The following SND1 variants were observed in gnomAD, a reference collection of about 807,000 sequenced individuals.
The protein encoded by SND1 is staphylococcal nuclease and tudor domain containing 1.
In SND1, 38 loss-of-function variants were observed where a neutral mutation model predicts 121.7. The ratio of observed to expected loss-of-function variants is 0.31; its 90% CI spans 0.24 to 0.41. The LOEUF is 0.41. Among genes scored for constraint, SND1 ranks in the 10% least tolerant of loss-of-function variants. The pLI, the probability that SND1 is intolerant of heterozygous loss-of-function variation, is 1.00. For missense variants in SND1, 868 were observed against 1,184.6 expected, an observed-to-expected ratio of 0.73 and a Z score of 3.92; for synonymous variants, 401 against 447.4, an observed-to-expected ratio of 0.90 and a Z score of 1.31.
At chr7:127,879,550 C>T in intron 12 of SND1, among the ~76,000 whole-genome samples, 1 of 152,124 alleles carries the variant, frequency 6.6e-6, no homozygotes, top group Non-Finnish European at 1.5e-5. Flanking sequence ...GATATCAGCA[C>T]CCTGTAGCTT....
At chr7:127,887,535 T>G (rs1584642778) in intron 12 of SND1, among the ~76,000 whole-genome samples, 1 of 152,128 alleles carries the variant, frequency 6.6e-6, no homozygotes, top group East Asian at 1.9e-4. Context: ...TATGTTCCAT[T>G]TTTTTCTCTA....
chr7:127,690,372 A>G (rs952669528), intron 2 of SND1, among the ~76,000 whole-genome samples: 1 of 152,154 alleles, frequency 6.6e-6, no homozygotes. Context: ...AAGTCTTCCT[A>G]CAGGCTGGGG....
chr7:128,083,715 C>A (rs186297966), intron 18 of SND1, among the ~76,000 whole-genome samples: 2 of 152,306 alleles, frequency 1.3e-5, no homozygotes, highest in African/African-American at 2.4e-5. Flanking sequence ...CCTTACAGCA[C>A]TGCCTTGGGC....
intron 11 of SND1, among the ~76,000 whole-genome samples, chr7:127,843,065 T>C (rs1798993129): frequency 6.6e-6 from 1 of 152,204 alleles, no homozygotes; most frequent in African/African-American, 2.4e-5. Context: ...TTTACATCTT[T>C]GGTTATCAGC....
chr7:127,907,874 G>A (rs777657214), intron 14 of SND1, among the ~76,000 whole-genome samples: 49 of 152,258 alleles, frequency 3.2e-4, no homozygotes, highest in Middle Eastern at 3.4e-3. Flanking sequence ...GTCAGAGTGC[G>A]TTAAAATGCT....
intron 12 of SND1, among the ~76,000 whole-genome samples, chr7:127,861,889 A>G (rs1399466295): frequency 6.6e-6 from 1 of 152,230 alleles, no homozygotes; most frequent in Non-Finnish European, 1.5e-5. Context: ...GTATAGGCAG[A>G]GCATGGCCGT....
At chr7:127,703,954 G>C (rs917534398) in intron 7 of SND1, among the ~76,000 whole-genome samples, 1 of 152,160 alleles carries the variant, frequency 6.6e-6, no homozygotes, top group East Asian at 1.9e-4. Flanking sequence ...ATGAGGTCTA[G>C]AAGTCAGCTA....
At position 128,052,117 on chromosome 7, in the gene SND1, T is replaced by G. The variant is rs762760355; in HGVS notation, c.1780-22385T>G. Among the ~76,000 whole-genome samples the G allele has an allele frequency of 5.9e-5, 9 of 152,160 alleles. No homozygotes were observed. The highest frequency in any genetic ancestry group is 1.2e-4 in the Non-Finnish European group (8 of 68,022). ...GACATTTGCTTTGGGGAGGAAGCAT[T>G]GGGACAGATGACCTTCAGTTCAGTT... On this transcript the variant is annotated intron_variant, in intron 16 of 23. Transcript: ENST00000354725. The surrounding 1 kb of genome is among the most constrained non-coding windows in gnomAD (Gnocchi z 4.6).
intron 12 of SND1, among the ~76,000 whole-genome samples, chr7:127,876,261 C>T (rs1799687844): frequency 6.6e-6 from 1 of 152,174 alleles, no homozygotes; most frequent in South Asian, 2.1e-4. Context: ...GGATTACTTG[C>T]CAACCTAATC....
chr7:127,834,604 G>A (rs374783301), intron 11 of SND1, among the ~76,000 whole-genome samples: 16 of 152,316 alleles, frequency 1.1e-4, no homozygotes, highest in African/African-American at 3.8e-4. Context: ...TTGTGAAATA[G>A]AGGGATGGTG....
intron 10 of SND1, among the ~76,000 whole-genome samples, chr7:127,723,927 A>G (rs1382211215): frequency 4.6e-5 from 7 of 152,206 alleles, no homozygotes; most frequent in Non-Finnish European, 8.8e-5. Flanking sequence ...CCTTTTTAAA[A>G]CTGAATATTT....
chr7:127,995,766 G>A lies in SND1; in HGVS notation c.1779+4710G>A, dbSNP rs75201260. Reference sequence around the variant, plus strand: ...TTTCACTGCTGTGTTGGAGAAACCCGAAGTCTTAAAGGGCCATAAGGTATT... The same window carrying A: ...TTTCACTGCTGTGTTGGAGAAACCCAAAGTCTTAAAGGGCCATAAGGTATT... On this transcript the variant is annotated intron_variant, in intron 16 of 23. Coordinates refer to ENST00000354725, the MANE Select transcript of SND1 (RefSeq NM_014390.4). 1.9e-3 allele frequency among the ~76,000 whole-genome samples: 285 copies of A among 152,298 alleles called. 2 individuals carry two copies. Among genetic ancestry groups the A allele is most frequent in the Middle Eastern group, 6.8e-3 (2 of 294 alleles).
chr7:128,055,492 A>G (rs529597396), intron 16 of SND1, among the ~76,000 whole-genome samples: 1 of 152,260 alleles, frequency 6.6e-6, no homozygotes, highest in South Asian at 2.1e-4. Context: ...TGCAGGTCCA[A>G]GAAGAAGAGG....
chr7:127,730,665 T>C (rs566140854), intron 10 of SND1, among the ~76,000 whole-genome samples: 1 of 152,370 alleles, frequency 6.6e-6, no homozygotes, highest in African/African-American at 2.4e-5. Flanking sequence ...TGCATTTTTT[T>C]CTCCTTCTCT....
chr7:127,686,827 CT>C, intron 2 of SND1, 65 bp downstream of exon 2: 1 of 1,525,564 alleles, frequency 6.6e-7, no homozygotes, highest in East Asian at 2.3e-5. Flanking sequence ...TCTTCTGTCG[CT>C]GATGCCATTT....
At chr7:128,022,016 C>A (rs1803359501) in intron 16 of SND1, among the ~76,000 whole-genome samples, 1 of 151,934 alleles carries the variant, frequency 6.6e-6, no homozygotes, top group Admixed American at 6.6e-5. Flanking sequence ...CCAGCCTGGC[C>A]AGCATGGTGA....
chr7:127,962,889 C>T (rs1450604060), intron 15 of SND1, among the ~76,000 whole-genome samples: 1 of 152,200 alleles, frequency 6.6e-6, no homozygotes, highest in Admixed American at 6.5e-5. Context: ...TTTGAAATGA[C>T]ACCTCTCTGA....
intron 10 of SND1, among the ~76,000 whole-genome samples, chr7:127,728,750 A>G (rs550834843): frequency 7.2e-5 from 11 of 152,306 alleles, no homozygotes; most frequent in African/African-American, 2.2e-4. Context: ...GAATCAGAAT[A>G]TCTGCTGAGG....
chr7:127,762,530 A>G (rs1584554150), intron 10 of SND1, among the ~76,000 whole-genome samples: 1 of 152,202 alleles, frequency 6.6e-6, no homozygotes, highest in East Asian at 1.9e-4. Context: ...CCCATCTCCA[A>G]ATACAGTCAC....
Sources: gnomAD v4.1 joint callset for allele counts (sites outside exome capture counted in the v4.1 genomes callset) on GRCh38, gnomAD v4.1.1 for gene constraint, Gnocchi (gnomAD v3.1) non-coding constraint, MANE v1.5 for transcripts, NCBI Gene and HGNC (gene_info 2026-07-23, HGNC 2026-07-21) for gene names.